The following XKR3 variants were observed in gnomAD, a reference collection of about 807,000 sequenced individuals.
XKR3 encodes the protein XK-related protein 3.
XKR3 carries 27 observed loss-of-function variants against 40.3 expected under a neutral mutation model. The ratio of observed to expected loss-of-function variants is 0.67; its 90% CI spans 0.49 to 0.92. The LOEUF is 0.92. Among genes scored for constraint, XKR3 ranks in the 40% least tolerant of loss-of-function variants. XKR3 has a pLI of 0.00. For missense variants in XKR3, 472 were observed against 537.6 expected, an observed-to-expected ratio of 0.88 and a Z score of 1.21; for synonymous variants, 193 against 195.4, an observed-to-expected ratio of 0.99 and a Z score of 0.10.
At chr22:16,793,367 G>T (rs2060128435) in intron 3 of XKR3, among the ~76,000 whole-genome samples, 1 of 152,228 alleles carries the variant, frequency 6.6e-6, no homozygotes, top group Admixed American at 6.5e-5. Context: ...TGCAAAGACA[G>T]TGCAGACATG....
At chr22:16,813,296 A>G (rs1387510594) in intron 1 of XKR3, among the ~76,000 whole-genome samples, 8 of 152,064 alleles carry the variant, frequency 5.3e-5, no homozygotes, top group Non-Finnish European at 1.2e-4. Flanking sequence ...AAAAAACAAA[A>G]AACAAAAAAC....
intron 3 of XKR3, among the ~76,000 whole-genome samples, chr22:16,792,497 A>G (rs1286417366): frequency 1.3e-5 from 2 of 152,218 alleles, no homozygotes; most frequent in African/African-American, 4.8e-5. Context: ...TTGTGGTTGT[A>G]TAGTTATAGG....
In XKR3 at chr22:16,784,413, T is replaced by C; in HGVS notation, c.590-4A>G. ...AGGGAAAATGTCATCAGCAATGCTA[T>C]TAAAGACAAACATGAAAATGTTAGA... On this transcript the variant is annotated splice_polypyrimidine_tract_variant and splice_region_variant and intron_variant, in intron 3 of 3. Transcript: ENST00000684488. The C allele has an allele frequency of 2.5e-6, 4 of 1,571,406 alleles. No homozygotes were observed. The highest frequency in any genetic ancestry group is 3.4e-6 in the Non-Finnish European group (4 of 1,162,478).
At chr22:16,798,141 G>A (rs1393165545) in intron 3 of XKR3, among the ~76,000 whole-genome samples, 6 of 149,816 alleles carry the variant, frequency 4.0e-5, no homozygotes, top group Non-Finnish European at 7.4e-5. Context: ...AATCATGCCA[G>A]GGCACTCCAG....
At chr22:16,807,338 T>C (rs757481583) in intron 2 of XKR3, among the ~76,000 whole-genome samples, 1 of 152,180 alleles carries the variant, frequency 6.6e-6, no homozygotes, top group African/African-American at 2.4e-5. Context: ...TTCGCTTCAG[T>C]TGACAAATAA....
chr22:16,789,795 C>A (rs1218485084), intron 3 of XKR3, among the ~76,000 whole-genome samples: 1 of 152,162 alleles, frequency 6.6e-6, no homozygotes, highest in Non-Finnish European at 1.5e-5. Context: ...ACCAATGCAA[C>A]TGAGTATAGT....
chr22:16,816,502 C>G lies in XKR3; in HGVS notation c.-10-8419G>C, dbSNP rs563854442. ...TTTCCTAAAAATGTAAAATGTATTT[C>G]TAGCCCCCACAAAAAAAAACCCACA... On this transcript the variant is annotated intron_variant, in intron 1 of 3. Coordinates refer to ENST00000684488, the MANE Select transcript of XKR3 (RefSeq NM_001386955.1). 2.1e-4 allele frequency among the ~76,000 whole-genome samples: 32 copies of G among 151,326 alleles called. No individual in the cohort carries two copies. In the South Asian group the frequency reaches 6.2e-3, roughly 30 times the overall value.
intron 2 of XKR3, among the ~76,000 whole-genome samples, chr22:16,801,988 A>G (rs1358121621): frequency 6.6e-6 from 1 of 152,234 alleles, no homozygotes; most frequent in Non-Finnish European, 1.5e-5. Context: ...ATAAAAAATC[A>G]TTAATGTAAG....
chr22:16,798,166 G>T (rs1346238504), intron 3 of XKR3, among the ~76,000 whole-genome samples: 1 of 140,660 alleles, frequency 7.1e-6, no homozygotes, highest in Non-Finnish European at 1.5e-5. Context: ...GGCAACAAGA[G>T]TGAAACTCCA....
chr22:16,810,624 T>C (rs1255651040), intron 1 of XKR3, among the ~76,000 whole-genome samples: 2 of 152,182 alleles, frequency 1.3e-5, no homozygotes, highest in African/African-American at 4.8e-5. Flanking sequence ...TAGTGATTTT[T>C]AGGGTATTCC....
intron 3 of XKR3, among the ~76,000 whole-genome samples, chr22:16,791,825 G>A (rs1320979664): frequency 7.2e-6 from 1 of 139,694 alleles, no homozygotes; most frequent in Non-Finnish European, 1.6e-5. Context: ...GAGAGAGAGA[G>A]AGAGAGAGAC....
rs373570974 is a variant in XKR3, at chr22:16,784,668, C to A, written c.590-259G>T. On this transcript the variant is annotated intron_variant, in intron 3 of 3. Coordinates refer to ENST00000684488, the MANE Select transcript of XKR3 (RefSeq NM_001386955.1). ...ATCTACATTTATACATGTATATACA[C>A]ATTCCCTCAAAGAGAAGACTGGCAC... Among the ~76,000 whole-genome samples the A allele has an allele frequency of 7.9e-5, 12 of 152,188 alleles. No homozygotes were observed. The East Asian group carries it at 1.2e-3, about 15-fold the overall frequency.
At chr22:16,808,211 A>C (rs2060198540) in intron 1 of XKR3, 128 bp from the exon 2 acceptor site, 1 of 635,162 alleles carries the variant, frequency 1.6e-6, no homozygotes, top group African/African-American at 1.8e-5. Context: ...TGGATCACTA[A>C]TCAGAATAGA....
chr22:16,790,265 A>T (rs738048), intron 3 of XKR3, among the ~76,000 whole-genome samples: 116,431 of 143,166 alleles, frequency 0.81, 47,813 homozygotes, highest in Middle Eastern at 0.97. Flanking sequence ...TTTTTTTTGG[A>T]TAAGACCTCA....
intron 2 of XKR3, among the ~76,000 whole-genome samples, chr22:16,803,751 T>C (rs1431565999): frequency 6.6e-6 from 1 of 152,190 alleles, no homozygotes; most frequent in East Asian, 1.9e-4. Context: ...ATCAGGAAGT[T>C]ACCCTATAAG....
intron 3 of XKR3, among the ~76,000 whole-genome samples, chr22:16,795,237 T>C (rs2146149900): frequency 6.6e-6 from 1 of 151,638 alleles, no homozygotes; most frequent in African/African-American, 2.4e-5. Flanking sequence ...AAAATAGAAA[T>C]CAATACCAAG....
intron 3 of XKR3, among the ~76,000 whole-genome samples, chr22:16,789,329 A>C (rs2060104148): frequency 6.6e-6 from 1 of 152,214 alleles, no homozygotes; most frequent in African/African-American, 2.4e-5. Context: ...TTACAAAATC[A>C]ACATATAAAT....
chr22:16,791,362 C>T (rs2060115006), intron 3 of XKR3, among the ~76,000 whole-genome samples: 1 of 150,966 alleles, frequency 6.6e-6, no homozygotes, highest in Admixed American at 6.6e-5. Context: ...CAATGGTTAC[C>T]AGAGACTAGA....
Position 16,783,988 on chromosome 22 carries a change from C to T in XKR3, c.1011G>A (p.Gly337=), listed in dbSNP as rs2060077831. ...GGATTCTATGGCCCCACCTCTGTCTCCCGTCAATTATTTTGTCATCTGACA... is the reference window on the plus strand; with the variant it reads ...GGATTCTATGGCCCCACCTCTGTCTTCCGTCAATTATTTTGTCATCTGACA... ...LQLSDDKIID[G]RQRWGHRILH... is the part of the protein sequence containing the mutation. The change falls in exon 4 of 4, where the codon GGG becomes GGA. Residue 337 remains glycine (G), a synonymous_variant. Transcript: ENST00000684488. 1.9e-6 allele frequency: 3 copies of T among 1,614,070 alleles called. No homozygotes were observed. The highest frequency in any genetic ancestry group is 4.5e-5 in the East Asian group (2 of 44,892).
Sources: allele counts gnomAD v4.1 joint callset (sites outside exome capture counted in the v4.1 genomes callset), GRCh38; gene constraint gnomAD v4.1.1; transcripts MANE v1.5; gene names NCBI Gene and HGNC (gene_info 2026-07-23, HGNC 2026-07-21).